Variants in KCNAB1 observed in about 807,000 individuals in gnomAD.
The protein encoded by KCNAB1 is potassium voltage-gated channel subfamily A regulatory beta subunit 1.
Under a neutral mutation model 64.6 loss-of-function variants are expected in KCNAB1, and 35 were observed. The ratio of observed to expected loss-of-function variants is 0.54; its 90% CI spans 0.41 to 0.72. The LOEUF (loss-of-function observed/expected upper bound fraction) is 0.72, where lower values mean the gene tolerates loss of function less well. Ranked by LOEUF, KCNAB1 falls within the 30% of genes least tolerant of loss-of-function variation. The pLI is 0.00. For synonymous variants in KCNAB1, 177 were observed against 183.8 expected, an observed-to-expected ratio of 0.96 and a Z score of 0.30; for missense variants, 401 against 512.9, an observed-to-expected ratio of 0.78 and a Z score of 2.11.
At chr3:156,263,383 A>G (rs1294016312) in intron 1 of KCNAB1, among the ~76,000 whole-genome samples, 1 of 152,008 alleles carries the variant, frequency 6.6e-6, no homozygotes, top group African/African-American at 2.4e-5. Flanking sequence ...TGTTGAACCA[A>G]TGGTTTATTT....
rs969899593 is a variant in KCNAB1, at chr3:156,347,203, T to C, written c.276-74413T>C. ...CTCAAGTACCAGATAAAGACTCTGA[T>C]CCAGTATTTGTGTTGAGACAAAGGA... On this transcript the variant is annotated intron_variant, in intron 1 of 13. Transcript: ENST00000490337. Among the ~76,000 whole-genome samples the C allele has an allele frequency of 4.6e-5, 7 of 152,312 alleles. No homozygotes were observed. In the South Asian group the frequency reaches 1.0e-3, roughly 23 times the overall value.
At chr3:156,311,062 C>A (rs750052674) in intron 1 of KCNAB1, among the ~76,000 whole-genome samples, 10 of 152,116 alleles carry the variant, frequency 6.6e-5, no homozygotes, top group African/African-American at 9.7e-5. Flanking sequence ...GAGCAGAAGA[C>A]CCCCCACCCT....
intron 1 of KCNAB1, among the ~76,000 whole-genome samples, chr3:156,371,492 T>C (rs1726306189): frequency 1.3e-5 from 2 of 152,246 alleles, no homozygotes; most frequent in Admixed American, 1.3e-4. Context: ...TGAAATTGTC[T>C]TGACTGCTGA....
At chr3:156,461,007 C>T (rs905126789) in intron 5 of KCNAB1, among the ~76,000 whole-genome samples, 9 of 152,182 alleles carry the variant, frequency 5.9e-5, no homozygotes, top group African/African-American at 1.9e-4. Context: ...TTCTCCCTCT[C>T]CCCCATCCCA....
intron 1 of KCNAB1, among the ~76,000 whole-genome samples, chr3:156,145,368 C>T (rs1251750687): frequency 6.6e-6 from 1 of 152,170 alleles, no homozygotes; most frequent in Admixed American, 6.5e-5. Flanking sequence ...TCTGTTTATT[C>T]TCCCTTTAAG....
intron 11 of KCNAB1, among the ~76,000 whole-genome samples, chr3:156,516,998 G>A (rs951094581): frequency 1.3e-5 from 2 of 152,192 alleles, no homozygotes; most frequent in African/African-American, 4.8e-5. Context: ...TAATTTATTG[G>A]AGAGTACTCA....
intron 8 of KCNAB1, among the ~76,000 whole-genome samples, chr3:156,482,901 G>GTCTA (rs1168928774): frequency 1.3e-5 from 2 of 151,994 alleles, no homozygotes; most frequent in Non-Finnish European, 2.9e-5. Context: ...TAGTCTCCAG[G>GTCTA]TCTACTACCA....
intron 1 of KCNAB1, among the ~76,000 whole-genome samples, chr3:156,221,331 G>A (rs1028102355): frequency 5.9e-5 from 9 of 152,108 alleles, no homozygotes; most frequent in South Asian, 2.1e-4. Context: ...CCATTTTCAC[G>A]ATATTGAAGG....
intron 1 of KCNAB1, among the ~76,000 whole-genome samples, chr3:156,171,187 G>GCGCA (rs1553812697): frequency 1.2e-4 from 17 of 142,816 alleles, no homozygotes; most frequent in African/African-American, 2.5e-4. Flanking sequence ...GAAACTTCAC[G>GCGCA]CACACATACA....
At chr3:156,230,129 C>G (rs1173335051) in intron 1 of KCNAB1, among the ~76,000 whole-genome samples, 1 of 152,208 alleles carries the variant, frequency 6.6e-6, no homozygotes, top group Non-Finnish European at 1.5e-5. Context: ...TTCTTAATGG[C>G]TGCACCATTT....
At chr3:156,473,761 G>A (rs769254773) in intron 7 of KCNAB1, among the ~76,000 whole-genome samples, 3 of 152,142 alleles carry the variant, frequency 2.0e-5, no homozygotes, top group East Asian at 3.8e-4. Context: ...CATTTAACAT[G>A]CAATTAATTT....
At chr3:156,323,126 A>G (rs1722774043) in intron 1 of KCNAB1, among the ~76,000 whole-genome samples, 1 of 151,870 alleles carries the variant, frequency 6.6e-6, no homozygotes, top group Admixed American at 6.6e-5. Flanking sequence ...CTATTATTTG[A>G]CTCCTAAATT....
chr3:156,426,322 G>A (rs1715814143), intron 2 of KCNAB1, among the ~76,000 whole-genome samples: 1 of 152,132 alleles, frequency 6.6e-6, no homozygotes, highest in East Asian at 1.9e-4. Context: ...AATAGACTAT[G>A]TTTTAATGCA....
At chr3:156,371,905 C>T (rs998566830) in intron 1 of KCNAB1, among the ~76,000 whole-genome samples, 8 of 152,100 alleles carry the variant, frequency 5.3e-5, no homozygotes, top group Admixed American at 1.3e-4. Context: ...AATCTTTGCT[C>T]GTTACAGAAT....
chr3:156,169,102 C>T (rs1318128113), intron 1 of KCNAB1, among the ~76,000 whole-genome samples: 1 of 152,100 alleles, frequency 6.6e-6, no homozygotes, highest in Non-Finnish European at 1.5e-5. Flanking sequence ...AAGAAATCTT[C>T]GTATTATCCA....
intron 1 of KCNAB1, among the ~76,000 whole-genome samples, chr3:156,404,941 G>C (rs1714149337): frequency 6.6e-6 from 1 of 152,212 alleles, no homozygotes; most frequent in Admixed American, 6.5e-5. Flanking sequence ...CCGTAAAAGA[G>C]ATGTACTTAA....
chr3:156,154,584 G>C (rs1204502891), intron 1 of KCNAB1, among the ~76,000 whole-genome samples: 12 of 152,074 alleles, frequency 7.9e-5, no homozygotes, highest in Non-Finnish European at 1.5e-4. Context: ...TAGACTTCTT[G>C]TTCTTGGTAT....
intron 1 of KCNAB1, among the ~76,000 whole-genome samples, chr3:156,354,104 A>G (rs753534627): frequency 3.3e-4 from 41 of 123,168 alleles, no homozygotes; most frequent in Middle Eastern, 7.6e-3. Context: ...TAATATATGT[A>G]TATATATGTG....
At chr3:156,273,742 A>G (rs1200706547) in intron 1 of KCNAB1, 1 of 439,982 alleles carries the variant, frequency 2.3e-6, no homozygotes, top group Non-Finnish European at 4.6e-6. Context: ...GATAGTTGTC[A>G]GATTTGGTGT....
Sources: gnomAD v4.1 joint callset for allele counts (sites outside exome capture counted in the v4.1 genomes callset) on GRCh38, gnomAD v4.1.1 for gene constraint, MANE v1.5 for transcripts, NCBI Gene and HGNC (gene_info 2026-07-23, HGNC 2026-07-21) for gene names.